BRD7: variants seen among roughly 807,000 people sequenced by gnomAD.
The protein encoded by BRD7 is bromodomain-containing protein 7.
In BRD7, 15 loss-of-function variants were observed where a neutral mutation model predicts 82.1. The ratio of observed to expected loss-of-function variants is 0.18; its 90% CI spans 0.12 to 0.28. The LOEUF is 0.28. Among genes scored for constraint, BRD7 ranks in the 10% least tolerant of loss-of-function variants. The pLI is 1.00. For missense variants in BRD7, 638 were observed against 779.9 expected (o/e 0.82, Z 2.17); for synonymous variants, 232 against 266.9 (o/e 0.87, Z 1.27).
In BRD7 at chr16:50,320,654, G is replaced by A. The variant is rs373246781; in HGVS notation, c.1612+9C>T. The stretch of plus-strand genomic sequence containing the variant: ...CAGTGTTTCAATCAAACCCTCTGGA[G>A]ACACTTACCTTCAGAGTCAAAAACT... On this transcript the variant is annotated intron_variant, in intron 14 of 16. Transcript: ENST00000394688. 6.2e-7 allele frequency: 1 copy of A among 1,600,824 alleles called. No homozygotes were observed. The highest frequency in any genetic ancestry group is 1.3e-5 in the African/African-American group (1 of 74,668).
At chr16:50,345,801 C>T (rs1372504675) in intron 5 of BRD7, among the ~76,000 whole-genome samples, 1 of 152,170 alleles carries the variant, frequency 6.6e-6, no homozygotes, top group African/African-American at 2.4e-5. Context: ...GAGACTTAGA[C>T]TCACACGCAA....
At chr16:50,322,868 A>G (rs2037177644) in intron 12 of BRD7, among the ~76,000 whole-genome samples, 1 of 152,234 alleles carries the variant, frequency 6.6e-6, no homozygotes, top group South Asian at 2.1e-4. Context: ...ATTTTACAGC[A>G]GTCATCGTTG....
intron 5 of BRD7, chr16:50,349,661 A>G (rs778402979): frequency 4.3e-6 from 2 of 468,060 alleles, no homozygotes; most frequent in African/African-American, 2.0e-5. Flanking sequence ...TACAATATGC[A>G]TATCTCATAT....
intron 5 of BRD7, among the ~76,000 whole-genome samples, chr16:50,341,435 G>GT (rs59023875): frequency 0.24 from 36,176 of 151,620 alleles, 4,997 homozygotes; most frequent in African/African-American, 0.37. Flanking sequence ...GAGCCCAGGA[G>GT]TTTGAGACTG....
At chr16:50,326,190 G>T in intron 10 of BRD7, 94 bp downstream of exon 10, 1 of 982,704 alleles carries the variant, frequency 1.0e-6, no homozygotes, top group Non-Finnish European at 1.6e-6. Context: ...CAAGATACTG[G>T]TGCCCACCTA....
At chr16:50,356,216 C>T (rs1289219259) in intron 2 of BRD7, among the ~76,000 whole-genome samples, 1 of 152,162 alleles carries the variant, frequency 6.6e-6, no homozygotes, top group African/African-American at 2.4e-5. Context: ...TAGGAACAAT[C>T]CTTAGCAGAG....
intron 6 of BRD7, among the ~76,000 whole-genome samples, chr16:50,337,257 T>A (rs1232295307): frequency 1.1e-4 from 1 of 9,212 alleles, no homozygotes; most frequent in Non-Finnish European, 2.1e-4. Flanking sequence ...TTCATTCTTC[T>A]TTTTTTTTTT....
chr16:50,361,448 G>C (rs544398755), intron 2 of BRD7, among the ~76,000 whole-genome samples: 1 of 152,022 alleles, frequency 6.6e-6, no homozygotes, highest in African/African-American at 2.4e-5. Context: ...ACCAGAAGTC[G>C]ACCTACAAAG....
At chr16:50,324,882 G>A (rs2037272140) in intron 11 of BRD7, among the ~76,000 whole-genome samples, 1 of 152,166 alleles carries the variant, frequency 6.6e-6, no homozygotes, top group African/African-American at 2.4e-5. Flanking sequence ...ATTCAGGCTG[G>A]TGAGGTCTAA....
chr16:50,340,428 G>A (rs1047311544), intron 5 of BRD7, among the ~76,000 whole-genome samples: 1 of 152,052 alleles, frequency 6.6e-6, no homozygotes, highest in East Asian at 1.9e-4. Context: ...TATTTCATAT[G>A]TAATGATTTT....
intron 12 of BRD7, among the ~76,000 whole-genome samples, chr16:50,322,443 T>C (rs950923132): frequency 3.3e-5 from 5 of 152,190 alleles, no homozygotes; most frequent in African/African-American, 1.2e-4. Flanking sequence ...AATAATCAAA[T>C]GCTACAGAGA....
intron 6 of BRD7, 84 bp from the exon 7 acceptor site, chr16:50,334,979 C>T (rs2037738600): frequency 7.7e-7 from 1 of 1,305,060 alleles, no homozygotes; most frequent in Non-Finnish European, 1.0e-6. Flanking sequence ...GGAGTTTATA[C>T]TTATCCTGTC....
chr16:50,323,406 G>A (rs1329333913), intron 12 of BRD7, among the ~76,000 whole-genome samples, 181 bp downstream of exon 12: 1 of 152,198 alleles, frequency 6.6e-6, no homozygotes, highest in East Asian at 1.9e-4. Flanking sequence ...CACAGATCCT[G>A]GTAGCTAAAT....
intron 5 of BRD7, among the ~76,000 whole-genome samples, chr16:50,341,928 TCACA>T (rs375793137): frequency 0.14 from 19,612 of 143,486 alleles, 1,563 homozygotes; most frequent in Middle Eastern, 0.19. Flanking sequence ...TGCACACTTT[TCACA>T]CACACACACA....
intron 4 of BRD7, among the ~76,000 whole-genome samples, chr16:50,353,987 C>A (rs1314827385): frequency 6.6e-6 from 1 of 152,084 alleles, no homozygotes; most frequent in African/African-American, 2.4e-5. Context: ...ATTTTTAGAA[C>A]CAATTTCTGC....
intron 5 of BRD7, among the ~76,000 whole-genome samples, chr16:50,347,940 C>A (rs1008437541): frequency 2.6e-5 from 4 of 152,116 alleles, no homozygotes; most frequent in African/African-American, 9.7e-5. Context: ...CAAAAAAGAG[C>A]CTGCATTGCC....
rs2036891800 is a variant in BRD7 at position 50,317,988 on chromosome 16, G to A, written c.*1223C>T. The A allele has an allele frequency of 6.6e-6, 1 of 152,278 alleles. No homozygotes were observed. Among genetic ancestry groups the A allele is most frequent in the African/African-American group, 2.4e-5 (1 of 41,420 alleles). 9.4% of individuals were successfully genotyped at this position (152,278 alleles called of 1,614,324 possible). ...GTCAGTGTAAAGAAATATGATTTGA[G>A]GTGGTGCATGCAAGTAACTAGGGTT... On this transcript the variant is annotated 3_prime_UTR_variant, in exon 17 of 17. Transcript: ENST00000394688.
chr16:50,363,690 C>T (rs1442414370), intron 2 of BRD7, among the ~76,000 whole-genome samples: 5 of 151,134 alleles, frequency 3.3e-5, no homozygotes, highest in South Asian at 4.2e-4. Flanking sequence ...TGTGCTTCCC[C>T]CAACTTTATC....
At chr16:50,322,093 A>AG (rs2037145627) in intron 12 of BRD7, 55 bp from the exon 13 acceptor site, 3 of 1,379,860 alleles carry the variant, frequency 2.2e-6, no homozygotes, top group Non-Finnish European at 3.0e-6. Flanking sequence ...GCGAATATCA[A>AG]GGAAAAGAGA....
Sources: allele counts gnomAD v4.1 joint callset (sites outside exome capture counted in the v4.1 genomes callset), GRCh38; gene constraint gnomAD v4.1.1; transcripts MANE v1.5; gene names NCBI Gene and HGNC (gene_info 2026-07-23, HGNC 2026-07-21).